The following MYO15A variants were observed in gnomAD, a reference collection of about 807,000 sequenced individuals.
MYO15A encodes the protein unconventional myosin-XV.
MYO15A carries 308 observed loss-of-function variants against 394.6 expected under a neutral mutation model. The ratio of observed to expected loss-of-function variants is 0.78; its 90% CI spans 0.71 to 0.86. MYO15A has a LOEUF of 0.86. Among genes scored for constraint, MYO15A ranks in the 40% least tolerant of loss-of-function variants. MYO15A has a pLI of 0.00. For missense variants in MYO15A, 4,606 were observed against 4,799.1 expected (o/e 0.96, Z 1.19); for synonymous variants, 1,957 against 2,003.8 (o/e 0.98, Z 0.62).
chr17:18,145,896 C>A lies in MYO15A; in HGVS notation c.6298C>A (p.His2100Asn). 6.2e-7 allele frequency: 1 copy of A among 1,613,472 alleles called. No homozygotes were observed. The highest frequency in any genetic ancestry group is 8.5e-7 in the Non-Finnish European group (1 of 1,180,024). ...GATCCTGCGCTTCATGGGCGACCCC[C>A]ACCTGCATGGTGCCCGGGAGAACAT... ...KLILRFMGDP[H>N]LHGARENIFG... Residue 2100 changes from histidine to asparagine, a missense_variant, in exon 30 of 66, where the codon CAC becomes AAC. Transcript: ENST00000647165.
rs781727468 is a variant in MYO15A, at chr17:18,142,161, G to A, written c.5732G>A (p.Arg1911His). The A allele has an allele frequency of 2.5e-5, 40 of 1,613,720 alleles. No individual in the cohort carries two copies. Among genetic ancestry groups the A allele is most frequent in the South Asian group, 3.3e-5 (3 of 91,086 alleles). Residue 1911 changes from arginine (R) to histidine (H), a missense_variant, in exon 24 of 66, where the codon CGC (arginine) becomes CAC (histidine). Coordinates refer to ENST00000647165, the MANE Select transcript of MYO15A (RefSeq NM_016239.4). Reference protein sequence around the residue: ...VLNLAALTLQRCLRGFFIKRR... With the variant: ...VLNLAALTLQHCLRGFFIKRR... ...AATCTGGCAGCCCTCACTCTGCAGC[G>A]CTGCCTCCGTGGCTTCTTCATTAAG...
rs369001159 is a variant in MYO15A at position 18,167,572 on chromosome 17, C to G, written c.9949-18C>G. 3 of 1,600,894 alleles carry G rather than the reference C, an allele frequency of 1.9e-6. No individual in the cohort carries two copies. The African/African-American group carries it at 4.0e-5, about 21-fold the overall frequency. On this transcript the variant is annotated intron_variant, in intron 61 of 65. Coordinates refer to ENST00000647165, the MANE Select transcript of MYO15A (RefSeq NM_016239.4). Reference sequence around the variant, plus strand: ...CGCGTGCCTGCCTGGCAGCCCCTCACCCAGGTGCTCCCTGCAGGTCCTGCC... The same window carrying G: ...CGCGTGCCTGCCTGGCAGCCCCTCAGCCAGGTGCTCCCTGCAGGTCCTGCC...
intron 25 of MYO15A, among the ~76,000 whole-genome samples, chr17:18,143,295 C>T (rs1028929156): frequency 6.6e-6 from 1 of 152,218 alleles, no homozygotes; most frequent in African/African-American, 2.4e-5. Flanking sequence ...AGCCACCTCC[C>T]AGAAATCCTC....
chr17:18,155,250 A>G, intron 46 of MYO15A, 25 bp downstream of exon 46: 1 of 1,613,474 alleles, frequency 6.2e-7, no homozygotes, highest in South Asian at 1.1e-5. Context: ...CTTGCCCCCT[A>G]CCTGTCCAGA....
Position 18,144,512 on chromosome 17 carries a change from A to T in MYO15A, c.6193A>T (p.Met2065Leu), listed in dbSNP as rs762736246. 1.5e-5 allele frequency: 25 copies of T among 1,613,252 alleles called. 1 individual carries two copies. The South Asian group carries it at 2.3e-4, about 15-fold the overall frequency. The change falls in exon 29 of 66, where the codon ATG becomes TTG. Residue 2065 changes from methionine (M) to leucine (L), a missense_variant. Coordinates refer to ENST00000647165, the MANE Select transcript of MYO15A (RefSeq NM_016239.4). ...TGTGTCTTAGGAACCTGCCTTTGGG[A>T]TGCTGACAGTGCCCCTGAGGACACC... The part of the protein sequence containing the change: ...QCHFKEPAFG[M>L]LTVPLRTPLT...
chr17:18,127,123 C>T lies in MYO15A; in HGVS notation c.3990C>T (p.Arg1330=). ...CTGAGGCCACCAAGCTGATTCTGCGCTACCTGGCCGCCATGAACCAGAAAC... is the reference window on the plus strand; with the variant it reads ...CTGAGGCCACCAAGCTGATTCTGCGTTACCTGGCCGCCATGAACCAGAAAC... The part of the protein sequence containing the change: ...GKTEATKLIL[R]YLAAMNQKRE... The change falls in exon 7 of 66, where the codon CGC becomes CGT. Residue 1330 remains arginine, a synonymous_variant. Transcript: ENST00000647165. The T allele has an allele frequency of 6.2e-7, 1 of 1,614,042 alleles. No homozygotes were observed. Among genetic ancestry groups the T allele is most frequent in the Non-Finnish European group, 8.5e-7 (1 of 1,180,004 alleles).
At position 18,151,289 on chromosome 17, in the gene MYO15A, C is replaced by G. The variant is rs1457530132; in HGVS notation, c.7653C>G (p.Thr2551=). 5 of 1,614,090 alleles carry G rather than the reference C, an allele frequency of 3.1e-6. No individual in the cohort carries two copies. Among genetic ancestry groups the G allele is most frequent in the African/African-American group, 1.3e-5 (1 of 74,932 alleles). ...VLAQDQASPE[T]TSPSPELVRY... ...CTCAGGATCAGGCTTCTCCAGAAAC[C>G]AGTGAGTGCCCTATCCCAGCCTCTG... The change falls in exon 39 of 66, where the codon ACC becomes ACG. Residue 2551 remains threonine, a splice_region_variant and synonymous_variant. Coordinates refer to ENST00000647165, the MANE Select transcript of MYO15A (RefSeq NM_016239.4).
At position 18,132,752 on chromosome 17, in the gene MYO15A, C is replaced by T. The variant is rs774839039; in HGVS notation, c.4320+186C>T. Among the ~76,000 whole-genome samples, 3 of 152,158 alleles carry T rather than the reference C, an allele frequency of 2.0e-5. No individual in the cohort carries two copies. The highest frequency in any genetic ancestry group is 1.5e-5 in the Non-Finnish European group (1 of 68,024). On this transcript the variant is annotated intron_variant, in intron 11 of 65. Transcript: ENST00000647165. This position sits in a 1 kb window ranked among gnomAD's most constrained non-coding sequence, Gnocchi z 4.6. ...GACCAGGAGTCTTCTGGGTCCAAAG[C>T]GGAAGCAGGAAAGGCCTACCTGACT...
At chr17:18,141,826 A>T in intron 23 of MYO15A, 56 bp downstream of exon 23, 1 of 1,554,172 alleles carries the variant, frequency 6.4e-7, no homozygotes, top group Non-Finnish European at 8.9e-7. Context: ...GGGGTCCACA[A>T]CTACTGAGTC....
Position 18,121,387 on chromosome 17 carries a change from A to G in MYO15A, c.2587A>G (p.Asn863Asp). The G allele has an allele frequency of 5.9e-6, 9 of 1,530,358 alleles. No individual in the cohort carries two copies. Among genetic ancestry groups the G allele is most frequent in the Non-Finnish European group, 7.9e-6 (9 of 1,142,742 alleles). The allele number at this position is 1,530,358 out of a possible 1,614,324, so 94.8% of individuals were successfully genotyped here. A position where few individuals can be genotyped will look rare whatever the true frequency, so the allele number is the denominator to read the frequency against. Residue 863 changes from asparagine to aspartate, a missense_variant, in exon 2 of 66, where the codon AAT (asparagine) becomes GAT (aspartate). Around this residue, in one of 2 missense-constraint regions of MYO15A, gnomAD observed 1,830 missense variants for 1,689.7 expected, o/e 1.08. Transcript: ENST00000647165. This position sits in a 1 kb window ranked among gnomAD's most constrained non-coding sequence, Gnocchi z 5.3. Reference protein sequence around the residue: ...LCHSPRRSSLNLPSRLPHTWR... With the variant: ...LCHSPRRSSLDLPSRLPHTWR... ...CCACAGCCCGCGGCGCAGCTCCCTG[A>G]ATCTGCCCTCGCGCCTCCCGCACAC...
intron 56 of MYO15A, chr17:18,160,936 GTCC>G (rs2046764763): frequency 2.6e-6 from 1 of 378,286 alleles, no homozygotes; most frequent in Non-Finnish European, 5.1e-6. Context: ...CACTCAGCTT[GTCC>G]TCCTGCTCCT....
chr17:18,172,377 C>A (rs543961963), intron 64 of MYO15A, 87 bp downstream of exon 64: 2 of 1,584,718 alleles, frequency 1.3e-6, no homozygotes, highest in Non-Finnish European at 1.7e-6. Context: ...CTCCAGCCGC[C>A]GAAGCCCAGT....
At position 18,121,745 on chromosome 17, in the gene MYO15A, C is replaced by T; in HGVS notation, c.2945C>T (p.Ala982Val). The T allele has an allele frequency of 3.1e-6, 5 of 1,602,568 alleles. No homozygotes were observed. Among genetic ancestry groups the T allele is most frequent in the Non-Finnish European group, 4.3e-6 (5 of 1,173,306 alleles). The change falls in exon 2 of 66, where the codon GCT becomes GTT. Residue 982 changes from alanine (A) to valine (V), a missense_variant. Around this residue, in one of 2 missense-constraint regions of MYO15A, gnomAD observed 1,830 missense variants for 1,689.7 expected, o/e 1.08. Transcript: ENST00000647165. The surrounding 1 kb of genome is among the most constrained non-coding windows in gnomAD (Gnocchi z 5.3). ...CCCACCCTCCAGCCTGAGGATCCAG[C>T]TGCTGATATGACCAGGGTCTTCCTG... ...PSPTLQPEDP[A>V]ADMTRVFLGR...
chr17:18,116,432 G>A (rs964723833), intron 1 of MYO15A, among the ~76,000 whole-genome samples: 2 of 152,268 alleles, frequency 1.3e-5, no homozygotes, highest in South Asian at 2.1e-4. Context: ...CCCAAGCCAG[G>A]TGGCCTCGAG....
At chr17:18,116,217 C>T (rs1225774762) in intron 1 of MYO15A, among the ~76,000 whole-genome samples, 1 of 152,234 alleles carries the variant, frequency 6.6e-6, no homozygotes, top group Non-Finnish European at 1.5e-5. Flanking sequence ...GTTGGAGGCC[C>T]AGCTGGGCTC....
chr17:18,142,034 G>A (rs1269947109), intron 23 of MYO15A, 45 bp from the exon 24 acceptor site: 1 of 1,606,042 alleles, frequency 6.2e-7, no homozygotes, highest in Non-Finnish European at 8.5e-7. Flanking sequence ...CCTTAGTCCA[G>A]CCTCCTGGCT....
Position 18,145,855 on chromosome 17 carries a change from C to A in MYO15A, c.6274-17C>A, listed in dbSNP as rs376467285. 3 of 1,611,782 alleles carry A rather than the reference C, an allele frequency of 1.9e-6. No individual in the cohort carries two copies. The highest frequency in any genetic ancestry group is 4.5e-5 in the East Asian group (2 of 44,858). On this transcript the variant is annotated splice_polypyrimidine_tract_variant and intron_variant, in intron 29 of 65. Transcript: ENST00000647165. ...ACAACTTTCTGAGATGCCCAGGAGA[C>A]TCTGTTCGTGGCCCAGATCCTGCGC...
chr17:18,175,308 T>TTTTTTTTTTTTTTTTA (rs71155320), intron 65 of MYO15A, among the ~76,000 whole-genome samples: 2 of 147,046 alleles, frequency 1.4e-5, no homozygotes, highest in African/African-American at 2.5e-5. Context: ...TTTTTTTTTT[T>TTTTTTTTTTTTTTTTA]GAGGCAAAGT....
chr17:18,131,742 C>T (rs73980805), intron 10 of MYO15A, among the ~76,000 whole-genome samples: 1,968 of 152,214 alleles, frequency 0.013, 37 homozygotes, highest in African/African-American at 0.037. Flanking sequence ...CAGGCACGCT[C>T]CTGCCAGGGC....
Sources: allele counts gnomAD v4.1 joint callset (sites outside exome capture counted in the v4.1 genomes callset), GRCh38; gene constraint gnomAD v4.1.1; regional missense constraint gnomAD v4.1.1; non-coding constraint Gnocchi (gnomAD v3.1); transcripts MANE v1.5; gene names NCBI Gene and HGNC (gene_info 2026-07-23, HGNC 2026-07-21).